The following FBXO34 variants were observed in gnomAD, a reference collection of about 807,000 sequenced individuals.
The protein encoded by FBXO34 is F-box protein 34, also known as F-box only protein 34.
Under a neutral mutation model 24.5 loss-of-function variants are expected in FBXO34, and 12 were observed. That is an observed-to-expected ratio of 0.49 (90% CI 0.31 to 0.79). The LOEUF (loss-of-function observed/expected upper bound fraction) is 0.79, where lower values mean the gene tolerates loss of function less well. FBXO34 is among the 30% of genes least tolerant of loss of function. FBXO34 has a pLI of 0.04. For synonymous variants in FBXO34, 320 were observed against 311.9 expected (o/e 1.03, Z -0.27); for missense variants, 823 against 857.7 (o/e 0.96, Z 0.51).
At chr14:55,372,884 C>T (rs997098102), downstream of FBXO34, among the ~76,000 whole-genome samples, 2 of 152,166 alleles carry the variant, frequency 1.3e-5, no homozygotes, top group African/African-American at 4.8e-5. Flanking sequence ...ACCCACCTGG[C>T]ACGGAGCAGG....
the FBXO34 span, chr14:55,395,168 T>G: frequency 1.1e-5 from 5 of 458,268 alleles, no homozygotes; most frequent in African/African-American, 1.0e-4. Flanking sequence ...CTGATAAGCG[T>G]GCCGATCTCC....
At chr14:55,437,508 T>G in the FBXO34 span, among the ~76,000 whole-genome samples, 1 of 152,186 alleles carries the variant, frequency 6.6e-6, no homozygotes, top group African/African-American at 2.4e-5. Flanking sequence ...TACAGCACAC[T>G]TAATGGAAAC....
At chr14:55,302,108 C>T (rs976128918) in intron 1 of FBXO34, among the ~76,000 whole-genome samples, 1 of 152,222 alleles carries the variant, frequency 6.6e-6, no homozygotes, top group African/African-American at 2.4e-5. Flanking sequence ...TGCAAAGTTA[C>T]ATGTGTAAAG....
Position 55,322,811 on chromosome 14 carries a change from A to G in FBXO34, c.-10-27570A>G, listed in dbSNP as rs73263944. Among the ~76,000 whole-genome samples, 1,414 of 152,168 alleles carry G rather than the reference A, an allele frequency of 9.3e-3. 32 individuals are homozygous for G. The highest frequency in any genetic ancestry group is 0.033 in the African/African-American group (1,361 of 41,494). ...AGTTACCCAACTAAGATTATAAAGC[A>G]TTCTACCATATTTGACAGTGTTGGA... On this transcript the variant is annotated intron_variant, in intron 1 of 1. Coordinates refer to ENST00000313833, the MANE Select transcript of FBXO34 (RefSeq NM_017943.4).
chr14:55,411,926 GCCC>G, the FBXO34 span: 4 of 1,112,680 alleles, frequency 3.6e-6, no homozygotes, highest in Non-Finnish European at 3.8e-6. Flanking sequence ...ATGCCGGCGA[GCCC>G]CCGGACCCCT....
At chr14:55,433,584 T>A in the FBXO34 span, 5 of 1,541,664 alleles carry the variant, frequency 3.2e-6, no homozygotes, top group South Asian at 5.6e-5. Context: ...TTGTTTTACA[T>A]ACTAAATTGT....
At chr14:55,412,776 A>T in the FBXO34 span, among the ~76,000 whole-genome samples, 2 of 152,240 alleles carry the variant, frequency 1.3e-5, no homozygotes, top group Non-Finnish European at 2.9e-5. Context: ...CCAAAGATCC[A>T]GAACTACTTA....
chr14:55,325,045 A>C (rs905936511), intron 1 of FBXO34, among the ~76,000 whole-genome samples: 2 of 152,180 alleles, frequency 1.3e-5, no homozygotes, highest in African/African-American at 4.8e-5. Flanking sequence ...GTTGTCTCCC[A>C]CAGGCCCCAC....
intron 3 of FBXO34, among the ~76,000 whole-genome samples, chr14:55,360,872 C>T (rs1014715194): frequency 1.1e-4 from 16 of 152,028 alleles, no homozygotes; most frequent in African/African-American, 3.4e-4. Flanking sequence ...GTGGTGAACA[C>T]CTGTAATCCC....
At chr14:55,364,180 C>T (rs1884631147), downstream of FBXO34, among the ~76,000 whole-genome samples, 1 of 151,688 alleles carries the variant, frequency 6.6e-6, no homozygotes, top group Admixed American at 6.6e-5. Flanking sequence ...AACTCCTGAC[C>T]TCAGGTGATC....
the FBXO34 span, chr14:55,411,960 C>G: frequency 3.9e-6 from 3 of 760,978 alleles, no homozygotes; most frequent in Middle Eastern, 3.9e-4. Flanking sequence ...GTGTTCCTGT[C>G]CCGGGCACTG....
At chr14:55,305,156 T>C (rs116335628) in intron 1 of FBXO34, among the ~76,000 whole-genome samples, 1,844 of 152,358 alleles carry the variant, frequency 0.012, 50 homozygotes, top group African/African-American at 0.042. Context: ...CTCATGCCTA[T>C]AATCCCGACA....
chr14:55,420,161 C>G, the FBXO34 span, among the ~76,000 whole-genome samples: 1,020 of 152,322 alleles, frequency 6.7e-3, 16 homozygotes, highest in African/African-American at 0.024. Context: ...ACTTCCGCCT[C>G]CCAGGTTCAA....
intron 1 of FBXO34, among the ~76,000 whole-genome samples, chr14:55,336,466 T>G (rs1309193805): frequency 1.3e-5 from 2 of 152,188 alleles, no homozygotes; most frequent in African/African-American, 4.8e-5. Flanking sequence ...ATCGGACAGT[T>G]TGTGGGTCTA....
chr14:55,330,413 C>G (rs1883493892), intron 1 of FBXO34, among the ~76,000 whole-genome samples: 1 of 152,222 alleles, frequency 6.6e-6, no homozygotes, highest in African/African-American at 2.4e-5. Flanking sequence ...TGCACTCATA[C>G]TATATTCTTT....
the FBXO34 span, among the ~76,000 whole-genome samples, chr14:55,377,139 G>A: frequency 6.6e-6 from 1 of 152,312 alleles, no homozygotes; most frequent in South Asian, 2.1e-4. Context: ...CAGAGGTCAG[G>A]AGTTTGAGAC....
intron 1 of FBXO34, among the ~76,000 whole-genome samples, chr14:55,333,082 T>A (rs1014049991): frequency 6.6e-6 from 1 of 152,186 alleles, no homozygotes; most frequent in African/African-American, 2.4e-5. Flanking sequence ...GGGCTATTGT[T>A]AGCTACAAGG....
chr14:55,402,588 A>G, the FBXO34 span, among the ~76,000 whole-genome samples: 1 of 152,004 alleles, frequency 6.6e-6, no homozygotes, highest in South Asian at 2.1e-4. Context: ...ATCGGCAAAG[A>G]TATGAGTATG....
intron 1 of FBXO34, among the ~76,000 whole-genome samples, chr14:55,312,746 C>T (rs773013915): frequency 2.6e-5 from 4 of 152,218 alleles, no homozygotes; most frequent in Non-Finnish European, 4.4e-5. Flanking sequence ...ATTTTCACCC[C>T]AGTGGGGATG....
Sources: allele counts gnomAD v4.1 joint callset (sites outside exome capture counted in the v4.1 genomes callset), GRCh38; gene constraint gnomAD v4.1.1; transcripts MANE v1.5; gene names NCBI Gene and HGNC (gene_info 2026-07-23, HGNC 2026-07-21).